ULK4: variants seen among roughly 807,000 people sequenced by gnomAD.
ULK4 encodes the protein unc-51 like kinase 4, also known as inactive serine/threonine-protein kinase ULK4.
A neutral mutation model predicts 160.6 loss-of-function variants in ULK4; 133 were observed. The ratio of observed to expected loss-of-function variants is 0.83; its 90% CI spans 0.72 to 0.96. ULK4 has a LOEUF of 0.96. Ranked by LOEUF, ULK4 falls within the 40% of genes least tolerant of loss-of-function variation. The pLI, the probability that ULK4 is intolerant of heterozygous loss-of-function variation, is 0.00. For synonymous variants in ULK4, 534 were observed against 539.8 expected (o/e 0.99, Z 0.15); for missense variants, 1,580 against 1,499.5 (o/e 1.05, Z -0.89).
intron 32 of ULK4, among the ~76,000 whole-genome samples, chr3:41,513,975 A>C (rs562377916): frequency 2.3e-4 from 35 of 152,376 alleles, no homozygotes; most frequent in African/African-American, 8.2e-4. Context: ...AAAATTTAAA[A>C]AAATAAATAC....
At chr3:41,919,633 T>A (rs1301112480) in intron 6 of ULK4, 84 bp downstream of exon 6, 1 of 1,162,486 alleles carries the variant, frequency 8.6e-7, no homozygotes, top group Admixed American at 2.0e-5. Context: ...TTTTCACATC[T>A]TATAGGTAAA....
At chr3:41,272,668 A>C (rs1167157622) in intron 35 of ULK4, among the ~76,000 whole-genome samples, 1 of 151,912 alleles carries the variant, frequency 6.6e-6, no homozygotes, top group Non-Finnish European at 1.5e-5. Flanking sequence ...ATTTAGAAAA[A>C]TTTCAAGCAT....
At chr3:41,267,819 C>A (rs976116797) in intron 35 of ULK4, among the ~76,000 whole-genome samples, 1 of 152,188 alleles carries the variant, frequency 6.6e-6, no homozygotes, top group Non-Finnish European at 1.5e-5. Flanking sequence ...AAGTGACTAG[C>A]CATGGTCTTC....
intron 31 of ULK4, among the ~76,000 whole-genome samples, chr3:41,571,471 A>T (rs2087971232): frequency 6.6e-6 from 1 of 152,248 alleles, no homozygotes; most frequent in African/African-American, 2.4e-5. Flanking sequence ...CAATCTTATT[A>T]GCTTACGGGG....
chr3:41,808,061 C>T (rs1004434889), intron 19 of ULK4, among the ~76,000 whole-genome samples: 5 of 152,184 alleles, frequency 3.3e-5, no homozygotes, highest in South Asian at 4.2e-4. Flanking sequence ...ACTTGGAGAC[C>T]GCTGCTGTGT....
At chr3:41,539,673 A>G (rs1559378441) in intron 32 of ULK4, among the ~76,000 whole-genome samples, 2 of 152,186 alleles carry the variant, frequency 1.3e-5, no homozygotes, top group Non-Finnish European at 2.9e-5. Flanking sequence ...TTCATGGTAA[A>G]TCCACCTATA....
At chr3:41,504,637 T>C (rs1464250811) in intron 32 of ULK4, among the ~76,000 whole-genome samples, 1 of 152,158 alleles carries the variant, frequency 6.6e-6, no homozygotes, top group African/African-American at 2.4e-5. Context: ...TTTAATTTTA[T>C]ATAATAGCTT....
At chr3:41,798,781 A>G (rs569263452) in intron 20 of ULK4, among the ~76,000 whole-genome samples, 51 of 152,260 alleles carry the variant, frequency 3.3e-4, no homozygotes, top group Non-Finnish European at 6.6e-4. Context: ...TTAAACACCT[A>G]AATGCTGACT....
At chr3:41,788,060 T>A (rs1034763798) in intron 21 of ULK4, among the ~76,000 whole-genome samples, 4 of 152,096 alleles carry the variant, frequency 2.6e-5, no homozygotes, top group African/African-American at 9.7e-5. Context: ...ATTTAATGAG[T>A]GAAAATTTAA....
At chr3:41,251,119 A>G (rs1315597155) in intron 35 of ULK4, 1 of 152,246 alleles carries the variant, frequency 6.6e-6, no homozygotes, top group Non-Finnish European at 1.5e-5. Context: ...ACTTTCATCC[A>G]CAAGGCTGGT....
intron 32 of ULK4, among the ~76,000 whole-genome samples, chr3:41,523,267 C>T (rs1388123143): frequency 6.6e-6 from 1 of 152,090 alleles, no homozygotes; most frequent in Admixed American, 6.6e-5. Context: ...TAATGTCTTA[C>T]ACATATTAGG....
rs181239415 is a variant in ULK4, at chr3:41,576,017, T to A, written c.3121-9887A>T. ...CCCTGGGGATGGACTGTGCCCCTTT[T>A]ATGTATCTGCCTGTAGTGTTGAAAG... is the stretch of plus-strand genomic sequence containing the variant. On this transcript the variant is annotated intron_variant, in intron 31 of 36. Transcript: ENST00000301831. 2.6e-4 allele frequency among the ~76,000 whole-genome samples: 40 copies of A among 152,294 alleles called. No individual in the cohort carries two copies. In the East Asian group the frequency reaches 6.6e-3, roughly 25 times the overall value.
At chr3:41,698,275 G>C (rs1047957526) in intron 27 of ULK4, among the ~76,000 whole-genome samples, 2 of 152,158 alleles carry the variant, frequency 1.3e-5, no homozygotes, top group Non-Finnish European at 1.5e-5. Flanking sequence ...AATCTGAAAT[G>C]CTCTAAAATT....
chr3:41,554,735 T>C (rs2087222361), intron 32 of ULK4, among the ~76,000 whole-genome samples: 1 of 152,098 alleles, frequency 6.6e-6, no homozygotes, highest in South Asian at 2.1e-4. Context: ...CACAAAGAAA[T>C]GGGGTGATAA....
intron 17 of ULK4, among the ~76,000 whole-genome samples, chr3:41,882,870 C>T (rs1450303670): frequency 6.6e-6 from 1 of 152,152 alleles, no homozygotes; most frequent in Non-Finnish European, 1.5e-5. Flanking sequence ...TTCTCATCTT[C>T]CTGGTAATAC....
At chr3:41,607,196 T>C (rs571274432) in intron 31 of ULK4, among the ~76,000 whole-genome samples, 1 of 152,198 alleles carries the variant, frequency 6.6e-6, no homozygotes, top group East Asian at 1.9e-4. Context: ...GTTGCAACAT[T>C]AGCTTGATGA....
intron 36 of ULK4, among the ~76,000 whole-genome samples, chr3:41,249,127 C>T (rs933022162): frequency 5.9e-5 from 9 of 152,174 alleles, no homozygotes; most frequent in Non-Finnish European, 1.2e-4. Flanking sequence ...CTGATGGGGG[C>T]ATGTGTGCAC....
chr3:41,893,150 G>GTA (rs1450909525), intron 16 of ULK4, among the ~76,000 whole-genome samples: 1 of 152,162 alleles, frequency 6.6e-6, no homozygotes, highest in East Asian at 1.9e-4. Flanking sequence ...AAGGAAAGGG[G>GTA]AAGTTACTGT....
chr3:41,362,360 C>A (rs536630811), intron 35 of ULK4, among the ~76,000 whole-genome samples: 9 of 152,270 alleles, frequency 5.9e-5, no homozygotes, highest in Admixed American at 5.2e-4. Context: ...TAGAGACTGA[C>A]ATATTGAAGC....
Sources: gnomAD v4.1 joint callset for allele counts (sites outside exome capture counted in the v4.1 genomes callset) on GRCh38, gnomAD v4.1.1 for gene constraint, MANE v1.5 for transcripts, NCBI Gene and HGNC (gene_info 2026-07-23, HGNC 2026-07-21) for gene names.